Variants in GUK1 observed in about 807,000 individuals in gnomAD.
GUK1 encodes the protein guanylate kinase 1, also known as guanylate kinase.
In GUK1, 18 loss-of-function variants were observed where a neutral mutation model predicts 25.2. That is an observed-to-expected ratio of 0.71 (90% confidence interval 0.49 to 1.06). GUK1 has a LOEUF of 1.06. Among genes scored for constraint, GUK1 ranks in the 50% least tolerant of loss-of-function variants. The pLI is 0.00. For missense variants in GUK1, 261 were observed against 276.7 expected (o/e 0.94, Z 0.40); for synonymous variants, 105 against 117.6 (o/e 0.89, Z 0.69).
chr1:228,147,755 G>A (rs1488436617), intron 7 of GUK1, 56 bp downstream of exon 6: 11 of 1,518,058 alleles, frequency 7.2e-6, no homozygotes, highest in Non-Finnish European at 1.0e-5. Context: ...GGGTTCTGAG[G>A]TCTGTGGCAC....
intron 2 of GUK1, among the ~76,000 whole-genome samples, chr1:228,142,763 G>C (rs1429903906): frequency 1.3e-5 from 2 of 152,120 alleles, no homozygotes; most frequent in East Asian, 3.9e-4. Context: ...TTGGAAGTGA[G>C]GCACGAGCTC....
At position 228,147,477 on chromosome 1, in the gene GUK1, G is replaced by GGA. The variant is rs1383553585; in HGVS notation, c.324_325dup (p.Asn109ArgfsTer39). 1 of 1,613,178 alleles carries GGA rather than the reference G, an allele frequency of 6.2e-7. No individual in the cohort carries two copies. Among genetic ancestry groups the GGA allele is most frequent in the East Asian group, 2.2e-5 (1 of 44,876 alleles). ...CTGGACGTGGACCTGCAGGGTGTGCGGAACATCAAGGCCACCGATCTGCGG... is the reference window on the plus strand; with the variant it reads ...CTGGACGTGGACCTGCAGGGTGTGCGGAGAACATCAAGGCCACCGATCTGCGG... On this transcript the variant is annotated frameshift_variant, in exon 6 of 9. Transcript: ENST00000312726. LOFTEE classifies it high-confidence loss of function.
intron 7 of GUK1, among the ~76,000 whole-genome samples, chr1:228,147,901 T>C (rs958604483): frequency 5.3e-5 from 8 of 151,938 alleles, no homozygotes; most frequent in Non-Finnish European, 1.5e-5. Flanking sequence ...AAGGGTCTCA[T>C]TGAGGGTCCT....
At position 228,141,292 on chromosome 1, in the gene GUK1, A is replaced by G. The variant is rs547279605; in HGVS notation, c.-3+4A>G. 894 of 978,964 alleles carry G rather than the reference A, an allele frequency of 9.1e-4. No individual in the cohort carries two copies. The highest frequency in any genetic ancestry group is 9.9e-4 in the Non-Finnish European group (819 of 823,954). 60.6% of individuals were successfully genotyped at this position (978,964 alleles called of 1,614,324 possible). ...AAGAGCCCGATTTCCTCAGGAGGTAAAGGAATGTTCCTGTCCCCCCCGGGG... is the reference window on the plus strand; with the variant it reads ...AAGAGCCCGATTTCCTCAGGAGGTAGAGGAATGTTCCTGTCCCCCCCGGGG... On this transcript the variant is annotated splice_donor_region_variant and intron_variant, in intron 2 of 8. Transcript: ENST00000312726.
chr1:228,143,819 A>G (rs1477042070), intron 2 of GUK1, among the ~76,000 whole-genome samples: 1 of 152,180 alleles, frequency 6.6e-6, no homozygotes, highest in Non-Finnish European at 1.5e-5. Flanking sequence ...CCAGGAGGGC[A>G]TGGGGTGCAT....
chr1:228,146,154 T>C, intron 4 of GUK1, 87 bp downstream of exon 3: 1 of 858,428 alleles, frequency 1.2e-6, no homozygotes, highest in African/African-American at 1.7e-5. Context: ...GTGCTGCCCG[T>C]CTCCTGCCCC....
At chr1:228,148,480 TG>T in intron 8 of GUK1, 24 bp downstream of exon 7, 1 of 1,540,770 alleles carries the variant, frequency 6.5e-7, no homozygotes, top group Admixed American at 1.9e-5. Flanking sequence ...TGTGCCTACC[TG>T]GGCAAGGCCC....
Position 228,148,449 on chromosome 1 carries a change from T to C in GUK1, c.554T>C (p.Leu185Pro). The C allele has an allele frequency of 6.4e-7, 1 of 1,571,260 alleles. No homozygotes were observed. Among genetic ancestry groups the C allele is most frequent in the Non-Finnish European group, 8.6e-7 (1 of 1,156,916 alleles). Residue 185 changes from leucine (L) to proline (P), a missense_variant, in exon 8 of 9, where the codon CTC becomes CCC. Physicochemically the swap from Leu to Pro is moderately conservative, Grantham distance 98. Transcript: ENST00000312726. ...GCCTACGCAGAGCTGAAGGAGGCGC[T>C]CTCTGAGGTGGGCCCATCCTTGTGC... is the stretch of plus-strand genomic sequence containing the variant.
rs2034026523 is a variant in GUK1 at position 228,141,266 on chromosome 1, G to T, written c.-25G>T. ...GGGCCTTCACTCCTCTGTGGCTCTG[G>T]AAGAGCCCGATTTCCTCAGGAGGTA... On this transcript the variant is annotated 5_prime_UTR_variant, in exon 2 of 9. Coordinates refer to ENST00000312726, the MANE Select transcript of GUK1 (RefSeq NM_000858.7). 1 of 984,098 alleles carries T rather than the reference G, an allele frequency of 1.0e-6. No individual in the cohort carries two copies. The highest frequency in any genetic ancestry group is 1.7e-5 in the African/African-American group (1 of 57,352). The allele number at this position is 984,098 out of a possible 1,614,324, so 61.0% of individuals were successfully genotyped here.
intron 4 of GUK1, 148 bp from the exon 4 acceptor site, chr1:228,146,694 T>G (rs1309655869): frequency 1.5e-6 from 1 of 653,170 alleles, no homozygotes; most frequent in African/African-American, 1.8e-5. Context: ...TGAGGGGTCC[T>G]CAGATGTCTC....
intron 2 of GUK1, among the ~76,000 whole-genome samples, chr1:228,143,688 G>A (rs1286927736): frequency 6.6e-6 from 1 of 152,224 alleles, no homozygotes; most frequent in Non-Finnish European, 1.5e-5. Context: ...CCTGGCCACT[G>A]CAGTGCGTGC....
rs770889198 is a variant in GUK1, at chr1:228,148,773, C to T, written c.*76C>T. The T allele has an allele frequency of 5.0e-6, 8 of 1,608,848 alleles. No homozygotes were observed. In the East Asian group the frequency reaches 6.7e-5, roughly 14 times the overall value. ...AGCATTGAGCCACCCCCTTGGCAGGCGATACGGCAGCTCTGTGCCCTTGGC... is the reference window on the plus strand; with the variant it reads ...AGCATTGAGCCACCCCCTTGGCAGGTGATACGGCAGCTCTGTGCCCTTGGC... On this transcript the variant is annotated 3_prime_UTR_variant, in exon 9 of 9. Coordinates refer to ENST00000312726, the MANE Select transcript of GUK1 (RefSeq NM_000858.7).
chr1:228,147,560 G>C lies in GUK1; in HGVS notation c.390+16G>C. ...GCACGTGCTGGTGTGTGCTGGGCAGGGTTGGGGGCTGGGGGCCAGGGCATG... is the reference window on the plus strand; with the variant it reads ...GCACGTGCTGGTGTGTGCTGGGCAGCGTTGGGGGCTGGGGGCCAGGGCATG... On this transcript the variant is annotated intron_variant, in intron 6 of 8. Coordinates refer to ENST00000312726, the MANE Select transcript of GUK1 (RefSeq NM_000858.7). 6.2e-7 allele frequency: 1 copy of C among 1,613,162 alleles called. No homozygotes were observed. Among genetic ancestry groups the C allele is most frequent in the Non-Finnish European group, 8.5e-7 (1 of 1,179,786 alleles).
chr1:228,140,446 C>T, intron 1 of GUK1, 83 bp downstream of exon 1: 1 of 977,498 alleles, frequency 1.0e-6, no homozygotes, highest in Non-Finnish European at 1.4e-6. Context: ...CCAGTCCACG[C>T]CGCCTCCGGA....
chr1:228,147,181 A>T (rs2034429634), intron 5 of GUK1, among the ~76,000 whole-genome samples: 1 of 152,162 alleles, frequency 6.6e-6, no homozygotes, highest in South Asian at 2.1e-4. Context: ...AGGACACCTC[A>T]TGCTCACTAC....
chr1:228,147,410 G>T lies in GUK1; in HGVS notation c.256G>T (p.Val86Leu), dbSNP rs1279120737. ...TGACCTGGCACCTCTCCCCAGCAAG[G>T]TGGCGGTGCAGGCCGTGCAGGCCAT... The change falls in exon 6 of 9, where the codon GTG becomes TTG. Residue 86 changes from valine to leucine, a missense_variant. Val to Leu is a conservative substitution (Grantham distance 32, BLOSUM62 1). Coordinates refer to ENST00000312726, the MANE Select transcript of GUK1 (RefSeq NM_000858.7). 1 of 1,610,146 alleles carries T rather than the reference G, an allele frequency of 6.2e-7. No individual in the cohort carries two copies. The highest frequency in any genetic ancestry group is 2.2e-5 in the East Asian group (1 of 44,844).
chr1:228,146,570 T>C lies in GUK1; in HGVS notation c.155-272T>C. On this transcript the variant is annotated intron_variant, in intron 4 of 8. Coordinates refer to ENST00000312726, the MANE Select transcript of GUK1 (RefSeq NM_000858.7). Reference sequence around the variant, plus strand: ...TCCCCCAGAACCTGTTGGTCTCCAGTCCCCACCCCATCACCACCAACTCCC... The same window carrying C: ...TCCCCCAGAACCTGTTGGTCTCCAGCCCCCACCCCATCACCACCAACTCCC... The C allele has an allele frequency of 2.3e-5, 12 of 518,822 alleles. No homozygotes were observed. The South Asian group carries it at 2.4e-4, about 10-fold the overall frequency. The allele number at this position is 518,822 out of a possible 1,614,324, so 32.1% of individuals were successfully genotyped here.
Position 228,147,638 on chromosome 1 carries a change from C to T in GUK1, c.414C>T (p.Asn138=). 6.2e-7 allele frequency: 1 copy of T among 1,613,070 alleles called. No homozygotes were observed. Among genetic ancestry groups the T allele is most frequent in the Admixed American group, 1.7e-5 (1 of 60,016 alleles). ...AGGAGCAGCGGCTGCGGCAGCGCAA[C>T]ACTGAAACCGAGGAGAGCCTGGTGA... The change falls in exon 7 of 9, where the codon AAC becomes AAT. Residue 138 remains asparagine (N), a synonymous_variant. Transcript: ENST00000312726.
At chr1:228,145,320 T>G in intron 2 of GUK1, 191 bp from the exon 2 acceptor site, 1 of 521,760 alleles carries the variant, frequency 1.9e-6, no homozygotes, top group African/African-American at 2.0e-5. Context: ...AGGGCCGCCC[T>G]GTGCATGCCG....
Sources: gnomAD v4.1 joint callset for allele counts (sites outside exome capture counted in the v4.1 genomes callset) on GRCh38, gnomAD v4.1.1 for gene constraint, MANE v1.5 for transcripts, NCBI Gene and HGNC (gene_info 2026-07-23, HGNC 2026-07-21) for gene names.